COL5A2: variants seen among roughly 807,000 people sequenced by gnomAD.
COL5A2 encodes the protein collagen alpha-2(V) chain.
In COL5A2, 23 loss-of-function variants were observed where a neutral mutation model predicts 208.2. The observed-to-expected ratio is 0.11, with a 90% CI of 0.08 to 0.16. COL5A2 has a LOEUF of 0.16. COL5A2 is among the 10% of genes least tolerant of loss of function. The pLI is 1.00. For missense variants in COL5A2, 1,590 were observed against 1,956.4 expected, an observed-to-expected ratio of 0.81 and a Z score of 3.53; for synonymous variants, 625 against 628.5, an observed-to-expected ratio of 0.99 and a Z score of 0.08.
chr2:189,306,164 A>G, the COL5A2 span, among the ~76,000 whole-genome samples: 3 of 152,312 alleles, frequency 2.0e-5, no homozygotes, highest in Non-Finnish European at 4.4e-5. Flanking sequence ...GTACATTTGT[A>G]TGTTTCCAAT....
At chr2:189,136,255 C>T (rs1470315059) in intron 1 of COL5A2, among the ~76,000 whole-genome samples, 1 of 151,938 alleles carries the variant, frequency 6.6e-6, no homozygotes, top group African/African-American at 2.4e-5. Flanking sequence ...CAGAAAGTTT[C>T]CAGTGAGCTA....
the COL5A2 span, among the ~76,000 whole-genome samples, chr2:189,402,736 T>C: frequency 1.3e-5 from 2 of 152,208 alleles, no homozygotes; most frequent in Non-Finnish European, 2.9e-5. Flanking sequence ...TTCTGTATTC[T>C]ATTCCATTGG....
intron 24 of COL5A2, 141 bp from the exon 25 acceptor site, chr2:189,064,796 C>T: frequency 1.2e-6 from 1 of 840,270 alleles, no homozygotes; most frequent in East Asian, 2.6e-5. Flanking sequence ...AAAATTTTGT[C>T]ACCACATTCC....
chr2:189,060,214 G>A (rs1685997744), intron 31 of COL5A2, among the ~76,000 whole-genome samples: 1 of 152,012 alleles, frequency 6.6e-6, no homozygotes, highest in African/African-American at 2.4e-5. Context: ...AGCATTTAGA[G>A]CATGCTATTA....
chr2:189,380,774 T>G, the COL5A2 span, among the ~76,000 whole-genome samples: 1 of 151,856 alleles, frequency 6.6e-6, no homozygotes, highest in East Asian at 1.9e-4. Flanking sequence ...TACCAGAAAA[T>G]AATAGAACAG....
the COL5A2 span, among the ~76,000 whole-genome samples, chr2:189,358,461 G>A: frequency 3.9e-5 from 6 of 152,130 alleles, no homozygotes; most frequent in Admixed American, 1.3e-4. Flanking sequence ...TTTTCATGCT[G>A]TTTGGGTTGC....
At chr2:189,094,231 G>C (rs1235784742) in intron 6 of COL5A2, among the ~76,000 whole-genome samples, 1 of 152,042 alleles carries the variant, frequency 6.6e-6, no homozygotes, top group Middle Eastern at 3.2e-3. Flanking sequence ...CACAGATTAA[G>C]ATTAAAATTA....
chr2:189,116,093 G>A (rs1262667379), intron 1 of COL5A2, among the ~76,000 whole-genome samples: 1 of 152,182 alleles, frequency 6.6e-6, no homozygotes, highest in Non-Finnish European at 1.5e-5. Context: ...TCCCTTTTGG[G>A]ATTGTGAAGA....
chr2:189,045,058 A>C (rs1329907067), intron 47 of COL5A2, 121 bp downstream of exon 47: 1 of 564,828 alleles, frequency 1.8e-6, no homozygotes, highest in Non-Finnish European at 3.0e-6. Flanking sequence ...TTTTTAATTA[A>C]TATTTTTGTT....
At chr2:189,326,053 C>T in the COL5A2 span, among the ~76,000 whole-genome samples, 19 of 145,316 alleles carry the variant, frequency 1.3e-4, no homozygotes, top group East Asian at 2.4e-3. Context: ...GCCAAGATGG[C>T]GCCACTGCAC....
intron 7 of COL5A2, 62 bp downstream of exon 7, chr2:189,092,248 A>G: frequency 9.4e-7 from 1 of 1,062,184 alleles, no homozygotes. Flanking sequence ...TAAAATCCTA[A>G]CAATATATCA....
the COL5A2 span, among the ~76,000 whole-genome samples, chr2:189,313,173 A>T: frequency 6.6e-6 from 1 of 152,278 alleles, no homozygotes; most frequent in East Asian, 1.9e-4. Flanking sequence ...AAAAAGAATG[A>T]AAAGGAATAA....
chr2:189,079,954 A>T (rs899020947), intron 14 of COL5A2, 24 bp downstream of exon 14: 11 of 1,600,714 alleles, frequency 6.9e-6, no homozygotes, highest in Non-Finnish European at 9.4e-6. Flanking sequence ...AAGTGAGGTT[A>T]CAGTGAGATA....
chr2:189,339,666 A>ATG, the COL5A2 span, among the ~76,000 whole-genome samples: 2 of 152,178 alleles, frequency 1.3e-5, no homozygotes, highest in African/African-American at 4.8e-5. Context: ...CAGGAAAGAA[A>ATG]TGTAACTATG....
chr2:189,148,449 C>T (rs2105783514), intron 1 of COL5A2, among the ~76,000 whole-genome samples: 1 of 152,134 alleles, frequency 6.6e-6, no homozygotes, highest in South Asian at 2.1e-4. Flanking sequence ...GCAGAAGACA[C>T]AGGTCTTCTA....
At chr2:189,242,096 A>G in the COL5A2 span, among the ~76,000 whole-genome samples, 1 of 152,220 alleles carries the variant, frequency 6.6e-6, no homozygotes, top group Admixed American at 6.5e-5. Flanking sequence ...AAAAATATAT[A>G]CAGCCTATTA....
intron 17 of COL5A2, 38 bp downstream of exon 17, chr2:189,075,355 A>G: frequency 7.0e-7 from 1 of 1,432,198 alleles, no homozygotes; most frequent in Non-Finnish European, 9.8e-7. Context: ...GAATGCATGA[A>G]TAAATTAATG....
intron 1 of COL5A2, among the ~76,000 whole-genome samples, chr2:189,128,120 G>A (rs1687643981): frequency 6.6e-6 from 1 of 151,992 alleles, no homozygotes. Flanking sequence ...GCTGCCCACA[G>A]CAATACACCT....
At chr2:189,086,804 A>G in intron 8 of COL5A2, 34 bp from the exon 9 acceptor site, 3 of 1,544,234 alleles carry the variant, frequency 1.9e-6, no homozygotes, top group Non-Finnish European at 2.6e-6. Context: ...GTTGCAAAGT[A>G]CTCATGACAA....
Sources: allele counts gnomAD v4.1 joint callset (sites outside exome capture counted in the v4.1 genomes callset), GRCh38; gene constraint gnomAD v4.1.1; transcripts MANE v1.5; gene names NCBI Gene and HGNC (gene_info 2026-07-23, HGNC 2026-07-21).